TBCD: variants seen among roughly 807,000 people sequenced by gnomAD.
TBCD encodes the protein tubulin-specific chaperone D.
A neutral mutation model predicts 169.3 loss-of-function variants in TBCD; 105 were observed. The observed-to-expected ratio is 0.62, with a 90% CI of 0.53 to 0.73. The LOEUF (loss-of-function observed/expected upper bound fraction) is 0.73. Ranked by LOEUF, TBCD falls within the 30% of genes least tolerant of loss-of-function variation. TBCD has a pLI of 0.00. For missense variants in TBCD, 1,444 were observed against 1,600.1 expected, an observed-to-expected ratio of 0.90 and a Z score of 1.66; for synonymous variants, 700 against 643.9, an observed-to-expected ratio of 1.09 and a Z score of -1.32.
chr17:82,940,147 C>G (rs2062987344), intron 37 of TBCD, among the ~76,000 whole-genome samples: 5 of 151,834 alleles, frequency 3.3e-5, no homozygotes, highest in Non-Finnish European at 2.9e-5. Context: ...TTCCTGGGAA[C>G]AGCAGTGATG....
At position 82,900,954 on chromosome 17, in the gene TBCD, G is replaced by A. The variant is rs11869888; in HGVS notation, c.1730+223G>A. On this transcript the variant is annotated intron_variant, in intron 18 of 38. Coordinates refer to ENST00000355528, the MANE Select transcript of TBCD (RefSeq NM_005993.5). ...CCTGGTCCAGTGTGTCCGACGTGGC[G>A]GTGTACCCGTGCAAATGTCCACGCT... 7.2e-3 allele frequency among the ~76,000 whole-genome samples: 1,096 copies of A among 152,356 alleles called. 8 individuals are homozygous for A. The highest frequency in any genetic ancestry group is 0.025 in the African/African-American group (1,041 of 41,580).
intron 5 of TBCD, 95 bp downstream of exon 5, chr17:82,768,661 T>C (rs1371963247): frequency 2.0e-5 from 26 of 1,331,318 alleles, no homozygotes; most frequent in Middle Eastern, 2.3e-4. Flanking sequence ...GCTTCTGATA[T>C]GTATTCAACT....
chr17:82,881,919 C>T (rs1409702624), intron 14 of TBCD, among the ~76,000 whole-genome samples: 1 of 150,630 alleles, frequency 6.6e-6, no homozygotes, highest in Admixed American at 6.6e-5. Context: ...CCCCTCTCCC[C>T]TCCTCCCTTC....
At chr17:82,881,460 C>T (rs2058348119) in intron 14 of TBCD, among the ~76,000 whole-genome samples, 2 of 152,188 alleles carry the variant, frequency 1.3e-5, no homozygotes, top group Non-Finnish European at 2.9e-5. Flanking sequence ...GAGCAGCCAG[C>T]GGGGAGAGCT....
chr17:82,931,257 C>G (rs2062176141), intron 33 of TBCD, among the ~76,000 whole-genome samples: 1 of 152,232 alleles, frequency 6.6e-6, no homozygotes, highest in Non-Finnish European at 1.5e-5. Flanking sequence ...TCTCGGCAAA[C>G]AGGAACTCGG....
rs1352339158 is a variant in TBCD, at chr17:82,922,393, A to C, written c.2178+816A>C. Among the ~76,000 whole-genome samples the C allele has an allele frequency of 2.0e-5, 3 of 152,024 alleles. No homozygotes were observed. Among genetic ancestry groups the C allele is most frequent in the Non-Finnish European group, 2.9e-5 (2 of 67,988 alleles). ...AAAAACAAAAACAAAAACAAAAAAAACCATGGTTACCAACGTTGACTAGGT... is the reference window on the plus strand; with the variant it reads ...AAAAACAAAAACAAAAACAAAAAAACCCATGGTTACCAACGTTGACTAGGT... On this transcript the variant is annotated intron_variant, in intron 25 of 38. Transcript: ENST00000355528. This position sits in a 1 kb window ranked among gnomAD's most constrained non-coding sequence, Gnocchi z 4.1.
At chr17:82,870,417 G>A in intron 14 of TBCD, 37 bp downstream of exon 14, 1 of 1,597,490 alleles carries the variant, frequency 6.3e-7, no homozygotes, top group Non-Finnish European at 8.5e-7. Flanking sequence ...GATGCGCCGT[G>A]CCCCCTGACG....
intron 21 of TBCD, chr17:82,908,202 G>A: frequency 2.4e-6 from 1 of 412,330 alleles, no homozygotes; most frequent in Non-Finnish European, 4.8e-6. Flanking sequence ...CCACGATGGA[G>A]CGTGCAGCCA....
chr17:82,840,355 A>G (rs2054365968), intron 13 of TBCD: 1 of 152,214 alleles, frequency 6.6e-6, no homozygotes. Context: ...TGATAAAGAC[A>G]TGTGAGACTT....
intron 32 of TBCD, chr17:82,929,746 C>T (rs2062047432): frequency 3.2e-6 from 2 of 624,536 alleles, no homozygotes; most frequent in African/African-American, 3.7e-5. Flanking sequence ...CCTGCGGCCG[C>T]AGCCTTGGAG....
At chr17:82,786,182 C>T (rs1219346471) in intron 7 of TBCD, among the ~76,000 whole-genome samples, 1 of 152,168 alleles carries the variant, frequency 6.6e-6, no homozygotes, top group African/African-American at 2.4e-5. Context: ...GAACCTGTGG[C>T]TCACAGGATC....
At chr17:82,895,295 C>T (rs1049571667) in intron 17 of TBCD, among the ~76,000 whole-genome samples, 3 of 152,174 alleles carry the variant, frequency 2.0e-5, no homozygotes, top group African/African-American at 4.8e-5. Flanking sequence ...CATGGCTGCA[C>T]CCTAGTACCG....
At chr17:82,845,975 C>T (rs1294424073) in intron 13 of TBCD, among the ~76,000 whole-genome samples, 2 of 152,262 alleles carry the variant, frequency 1.3e-5, no homozygotes, top group Non-Finnish European at 2.9e-5. Flanking sequence ...GCATCAGCCT[C>T]CCAGTCTGAT....
chr17:82,905,897 A>G (rs559274542), intron 19 of TBCD, 39 bp from the exon 20 acceptor site: 1 of 1,522,670 alleles, frequency 6.6e-7, no homozygotes. Context: ...GTCCACATGT[A>G]CACACCCTCA....
intron 13 of TBCD, among the ~76,000 whole-genome samples, chr17:82,818,601 GAACA>G (rs1356635854): frequency 6.6e-6 from 1 of 152,112 alleles, no homozygotes; most frequent in Admixed American, 6.5e-5. Context: ...CACCCTCTCT[GAACA>G]AACAAACACA....
chr17:82,937,584 G>C lies in TBCD; in HGVS notation c.3281+224G>C, dbSNP rs1449324764. On this transcript the variant is annotated intron_variant, in intron 35 of 38. Transcript: ENST00000355528. Reference sequence around the variant, plus strand: ...GCGGGAACAGGCGAGCTCTGCCTCTGCTGCCCTCGCGCTCTGCCCTGGCGG... The same window carrying C: ...GCGGGAACAGGCGAGCTCTGCCTCTCCTGCCCTCGCGCTCTGCCCTGGCGG... The C allele has an allele frequency of 2.5e-5, 15 of 608,072 alleles. No individual in the cohort carries two copies. In the South Asian group the frequency reaches 3.0e-4, roughly 12 times the overall value. 37.7% of individuals were successfully genotyped at this position (608,072 alleles called of 1,614,324 possible). A position where few individuals can be genotyped will look rare whatever the true frequency, so the allele number is the denominator to read the frequency against.
In TBCD at chr17:82,932,915, TAAC is replaced by T. The variant is rs2062323321; in HGVS notation, c.3191+182_3191+184del. 2.4e-5 allele frequency: 15 copies of T among 626,812 alleles called. No individual in the cohort carries two copies. In the South Asian group the frequency reaches 2.7e-4, roughly 11 times the overall value. 38.8% of individuals were successfully genotyped at this position (626,812 alleles called of 1,614,324 possible). A position where few individuals can be genotyped will look rare whatever the true frequency, so the allele number is the denominator to read the frequency against. ...GCTGGCCCTCAAAATAACGCAATAATAACATATTTACATAATGACATATTATGA... is the reference window on the plus strand; with the variant it reads ...GCTGGCCCTCAAAATAACGCAATAATATATTTACATAATGACATATTATGA... On this transcript the variant is annotated intron_variant, in intron 34 of 38. Transcript: ENST00000355528.
In TBCD at chr17:82,832,126, T is replaced by C; in HGVS notation, c.1318+17192T>C. ...TTGCAGCTCCAGGTTTTCCTTGATG[T>C]CTTCCCTGGCAGAGCTGTGCTGAAG... is the stretch of plus-strand genomic sequence containing the variant. On this transcript the variant is annotated intron_variant, in intron 13 of 38. Coordinates refer to ENST00000355528, the MANE Select transcript of TBCD (RefSeq NM_005993.5). The surrounding 1 kb of genome is among the most constrained non-coding windows in gnomAD (Gnocchi z 4.9). The C allele has an allele frequency of 6.2e-7, 1 of 1,614,196 alleles. No homozygotes were observed. The highest frequency in any genetic ancestry group is 8.5e-7 in the Non-Finnish European group (1 of 1,180,020).
At chr17:82,803,307 G>T (rs902843559) in intron 9 of TBCD, among the ~76,000 whole-genome samples, 1 of 152,184 alleles carries the variant, frequency 6.6e-6, no homozygotes, top group Non-Finnish European at 1.5e-5. Flanking sequence ...TGAAAGTCAC[G>T]GCTTTCTCTC....
Sources: gnomAD v4.1 joint callset for allele counts (sites outside exome capture counted in the v4.1 genomes callset) on GRCh38, gnomAD v4.1.1 for gene constraint, Gnocchi (gnomAD v3.1) non-coding constraint, MANE v1.5 for transcripts, NCBI Gene and HGNC (gene_info 2026-07-23, HGNC 2026-07-21) for gene names.